Variants in MACROD2 observed in about 807,000 individuals in gnomAD.
The protein encoded by MACROD2 is ADP-ribose glycohydrolase MACROD2.
A neutral mutation model predicts 70.4 loss-of-function variants in MACROD2; 36 were observed. That is an observed-to-expected ratio of 0.51 (90% CI 0.39 to 0.68). The LOEUF (loss-of-function observed/expected upper bound fraction) is 0.68. Ranked by LOEUF, MACROD2 falls within the 30% of genes least tolerant of loss-of-function variation. The probability of loss-of-function intolerance (pLI) is 0.00; values close to 1 mark genes in which losing one functional copy is unlikely to be tolerated. For synonymous variants in MACROD2, 172 were observed against 178.8 expected (o/e 0.96, Z 0.30); for missense variants, 496 against 538.4 (o/e 0.92, Z 0.78).
At chr20:15,816,480 A>C (rs1366871099) in intron 8 of MACROD2, among the ~76,000 whole-genome samples, 1 of 152,198 alleles carries the variant, frequency 6.6e-6, no homozygotes. Context: ...TTTAACCAAA[A>C]AAAAAATAGA....
chr20:14,569,485 C>T (rs1324438683), intron 4 of MACROD2, among the ~76,000 whole-genome samples: 1 of 151,848 alleles, frequency 6.6e-6, no homozygotes, highest in African/African-American at 2.4e-5. Context: ...TCCTGTGTGC[C>T]TATTCAGTAT....
chr20:15,910,226 C>T (rs1295543585), intron 10 of MACROD2, among the ~76,000 whole-genome samples: 2 of 152,210 alleles, frequency 1.3e-5, no homozygotes. Context: ...AGTCACACTG[C>T]TGTCTATGCA....
chr20:15,412,566 AC>A (rs2046092833), intron 6 of MACROD2, among the ~76,000 whole-genome samples: 1 of 152,152 alleles, frequency 6.6e-6, no homozygotes, highest in Non-Finnish European at 1.5e-5. Flanking sequence ...AAAGTTGGAG[AC>A]TCCGTAGATC....
chr20:15,164,383 G>A (rs1002079035), intron 5 of MACROD2, among the ~76,000 whole-genome samples: 1 of 152,036 alleles, frequency 6.6e-6, no homozygotes, highest in Non-Finnish European at 1.5e-5. Flanking sequence ...GTATGAGAAG[G>A]TGGGAAGGAG....
At chr20:14,942,664 C>T (rs1453972151) in intron 5 of MACROD2, among the ~76,000 whole-genome samples, 2 of 152,186 alleles carry the variant, frequency 1.3e-5, no homozygotes, top group East Asian at 3.8e-4. Context: ...CACATGTCAG[C>T]TGAAAATCAT....
chr20:14,185,093 G>A (rs2081334287), intron 3 of MACROD2, among the ~76,000 whole-genome samples: 1 of 152,058 alleles, frequency 6.6e-6, no homozygotes, highest in African/African-American at 2.4e-5. Flanking sequence ...GCCTGAAACT[G>A]TGTGTGTAGA....
chr20:15,843,329 C>T (rs75919732), intron 8 of MACROD2, among the ~76,000 whole-genome samples: 233 of 152,234 alleles, frequency 1.5e-3, no homozygotes, highest in African/African-American at 5.1e-3. Flanking sequence ...GTGTGACTAC[C>T]GCTTTTTGTA....
At chr20:14,759,632 G>T (rs1028988797) in intron 5 of MACROD2, among the ~76,000 whole-genome samples, 30 of 151,980 alleles carry the variant, frequency 2.0e-4, no homozygotes, top group African/African-American at 7.0e-4. Context: ...ACAAATTACA[G>T]AAAATATTAT....
At chr20:15,315,563 AAAC>A (rs1454168689) in intron 6 of MACROD2, among the ~76,000 whole-genome samples, 3 of 152,194 alleles carry the variant, frequency 2.0e-5, no homozygotes, top group African/African-American at 4.8e-5. Context: ...GAAAAGACAG[AAAC>A]AACAACAATC....
Position 14,215,335 on chromosome 20 carries a change from T to TACACACACAC in MACROD2, c.271+129608_271+129609insCACACACACA, listed in dbSNP as rs1310041778. ...CATCATATATATCTATGCCATCATA[T>TACACACACAC]ATACACACACACACACACACACACA... On this transcript the variant is annotated intron_variant, in intron 3 of 17. Transcript: ENST00000684519. Among the ~76,000 whole-genome samples the TACACACACAC allele has an allele frequency of 4.8e-4, 49 of 101,722 alleles. No individual in the cohort carries two copies. The East Asian group carries it at 5.0e-3, about 10-fold the overall frequency. The allele number at this position is 101,722 out of a possible 152,430, so 66.7% of individuals were successfully genotyped here.
Position 14,461,700 on chromosome 20 carries a change from G to GTGTGTCCATGTGTTCTCAT in MACROD2, c.272-31775_272-31757dup, listed in dbSNP as rs2084374554. Reference sequence around the variant, plus strand: ...TCCCCGGTGTGTGATGTTCCCCTTCGTGTGTCCATGTGTTCTCATTGTTCA... The same window carrying GTGTGTCCATGTGTTCTCAT: ...TCCCCGGTGTGTGATGTTCCCCTTCGTGTGTCCATGTGTTCTCATTGTGTCCATGTGTTCTCATTGTTCA... On this transcript the variant is annotated intron_variant, in intron 3 of 17. Coordinates refer to ENST00000684519, the MANE Select transcript of MACROD2 (RefSeq NM_001351661.2). Among the ~76,000 whole-genome samples, 9 of 143,704 alleles carry GTGTGTCCATGTGTTCTCAT rather than the reference G, an allele frequency of 6.3e-5. No individual in the cohort carries two copies. The South Asian group carries it at 2.0e-3, about 31-fold the overall frequency. 94.3% of individuals were successfully genotyped at this position (143,704 alleles called of 152,430 possible).
Position 14,888,871 on chromosome 20 carries a change from T to A in MACROD2, c.418+203912T>A, listed in dbSNP as rs140442784. Among the ~76,000 whole-genome samples, 341 of 152,296 alleles carry A rather than the reference T, an allele frequency of 2.2e-3. 3 individuals carry two copies. The highest frequency in any genetic ancestry group is 5.0e-3 in the South Asian group (24 of 4,820). ...TGATGAGTAATTCTTTCCAGTATCA[T>A]AACATTGAGGGTCTCTGAGAGTCTC... On this transcript the variant is annotated intron_variant, in intron 5 of 17. Transcript: ENST00000684519.
chr20:15,849,792 A>G (rs1028253353), intron 8 of MACROD2, among the ~76,000 whole-genome samples: 1 of 152,214 alleles, frequency 6.6e-6, no homozygotes, highest in African/African-American at 2.4e-5. Context: ...AATAGACAAT[A>G]GGGGTCTGCA....
chr20:14,787,084 C>T (rs1320018607), intron 5 of MACROD2, among the ~76,000 whole-genome samples: 8 of 152,014 alleles, frequency 5.3e-5, no homozygotes, highest in Admixed American at 5.2e-4. Context: ...ATCATTGCTA[C>T]CAAGAATTTA....
At chr20:14,695,382 A>C (rs2071111852) in intron 5 of MACROD2, among the ~76,000 whole-genome samples, 1 of 152,080 alleles carries the variant, frequency 6.6e-6, no homozygotes, top group Non-Finnish European at 1.5e-5. Context: ...TGGATTTAGC[A>C]CTCACTCGAA....
chr20:15,772,098 AAAAATATAT>A (rs1331101348), intron 8 of MACROD2, among the ~76,000 whole-genome samples: 7 of 95,918 alleles, frequency 7.3e-5, no homozygotes, highest in African/African-American at 2.9e-4. Flanking sequence ...AAAAAAAAAA[AAAAATATAT>A]ATATATATAT....
chr20:14,055,668 G>T (rs1012114074), intron 2 of MACROD2, among the ~76,000 whole-genome samples: 5 of 151,900 alleles, frequency 3.3e-5, no homozygotes, highest in African/African-American at 1.2e-4. Context: ...ACAGCAAAGA[G>T]CAGGCATTCA....
At chr20:14,357,361 C>A (rs978423156) in intron 3 of MACROD2, among the ~76,000 whole-genome samples, 1 of 152,032 alleles carries the variant, frequency 6.6e-6, no homozygotes, top group African/African-American at 2.4e-5. Context: ...TGAATATTTT[C>A]TGTATTTTTC....
chr20:14,941,152 T>C (rs929510305), intron 5 of MACROD2, among the ~76,000 whole-genome samples: 1 of 152,204 alleles, frequency 6.6e-6, no homozygotes, highest in Admixed American at 6.5e-5. Context: ...TATCCATTTC[T>C]TCTAGGTTTT....
Sources: gnomAD v4.1 joint callset for allele counts (sites outside exome capture counted in the v4.1 genomes callset) on GRCh38, gnomAD v4.1.1 for gene constraint, MANE v1.5 for transcripts, NCBI Gene and HGNC (gene_info 2026-07-23, HGNC 2026-07-21) for gene names.